BTBD9: variants seen among roughly 807,000 people sequenced by gnomAD.
BTBD9 encodes BTB domain containing 9, also known as BTB/POZ domain-containing protein 9.
BTBD9 carries 49 observed loss-of-function variants against 64.3 expected under a neutral mutation model. That is an observed-to-expected ratio of 0.76 (90% CI 0.61 to 0.97). BTBD9 has a LOEUF of 0.97. BTBD9 is among the 50% of genes least tolerant of loss of function. The pLI, the probability that BTBD9 is intolerant of heterozygous loss-of-function variation, is 0.00. For synonymous variants in BTBD9, 260 were observed against 274.7 expected (o/e 0.95, Z 0.53); for missense variants, 598 against 762.1 (o/e 0.78, Z 2.53).
chr6:38,183,472 C>T (rs889787907), intron 10 of BTBD9, among the ~76,000 whole-genome samples: 1 of 152,068 alleles, frequency 6.6e-6, no homozygotes, highest in Non-Finnish European at 1.5e-5. Context: ...TGCCGAGGCC[C>T]CCTCCCTTCC....
intron 7 of BTBD9, among the ~76,000 whole-genome samples, chr6:38,321,002 G>A (rs1004121725): frequency 6.6e-6 from 1 of 152,286 alleles, no homozygotes; most frequent in Admixed American, 6.5e-5. Flanking sequence ...GATATTTGCT[G>A]GGGACAGCAA....
At chr6:38,353,152 T>C (rs1428609971) in intron 6 of BTBD9, among the ~76,000 whole-genome samples, 2 of 152,268 alleles carry the variant, frequency 1.3e-5, no homozygotes, top group South Asian at 4.2e-4. Context: ...ATAATGTAAA[T>C]GAGTCTAAGG....
intron 6 of BTBD9, among the ~76,000 whole-genome samples, chr6:38,532,663 T>C (rs1005442564): frequency 2.0e-5 from 3 of 151,932 alleles, no homozygotes; most frequent in African/African-American, 7.3e-5. Flanking sequence ...TCAGATGACA[T>C]GTCTAGATGT....
chr6:38,618,553 A>G (rs1428311355), intron 1 of BTBD9, among the ~76,000 whole-genome samples: 3 of 152,130 alleles, frequency 2.0e-5, no homozygotes, highest in Non-Finnish European at 4.4e-5. Context: ...AGAAACAGGC[A>G]AAGAAATCAT....
intron 9 of BTBD9, among the ~76,000 whole-genome samples, chr6:38,193,654 A>G (rs1458848004): frequency 1.3e-5 from 2 of 152,040 alleles, no homozygotes; most frequent in African/African-American, 4.8e-5. Context: ...ACGACTGTAA[A>G]CTCCAATAAT....
intron 6 of BTBD9, among the ~76,000 whole-genome samples, chr6:38,361,925 T>G (rs1764980236): frequency 6.6e-6 from 1 of 152,090 alleles, no homozygotes; most frequent in East Asian, 1.9e-4. Context: ...ATTAATTACT[T>G]TGAGGTTAAA....
chr6:38,301,129 C>T (rs933848977), intron 7 of BTBD9, among the ~76,000 whole-genome samples: 5 of 152,218 alleles, frequency 3.3e-5, no homozygotes, highest in South Asian at 2.1e-4. Flanking sequence ...ATGTAGTTTT[C>T]GTCTTTGTTT....
chr6:38,327,950 A>C (rs538134470), intron 7 of BTBD9, among the ~76,000 whole-genome samples: 12 of 152,300 alleles, frequency 7.9e-5, no homozygotes, highest in Non-Finnish European at 1.6e-4. Flanking sequence ...TATATTTGGG[A>C]GCGCGTGGAG....
intron 9 of BTBD9, among the ~76,000 whole-genome samples, chr6:38,211,603 G>C (rs995698353): frequency 1.3e-5 from 2 of 152,056 alleles, no homozygotes; most frequent in Non-Finnish European, 2.9e-5. Flanking sequence ...AATTAGGGGG[G>C]TGTGGTGGTG....
intron 1 of BTBD9, among the ~76,000 whole-genome samples, chr6:38,599,217 G>A (rs981378919): frequency 6.6e-6 from 1 of 152,202 alleles, no homozygotes; most frequent in South Asian, 2.1e-4. Flanking sequence ...ACAGCTTTAC[G>A]TGTAAGAAAG....
intron 9 of BTBD9, among the ~76,000 whole-genome samples, chr6:38,235,098 G>A (rs1763733224): frequency 6.6e-6 from 1 of 152,196 alleles, no homozygotes; most frequent in African/African-American, 2.4e-5. Context: ...GAGGTTTGCA[G>A]CTCTTGTTCC....
intron 6 of BTBD9, among the ~76,000 whole-genome samples, chr6:38,469,322 CTTT>C (rs11432881): frequency 1.6e-5 from 2 of 127,496 alleles, no homozygotes. Flanking sequence ...TTTTTTTTTC[CTTT>C]TTTTTTTTTT....
In BTBD9 at chr6:38,565,037, T is replaced by C. The variant is rs548383522; in HGVS notation, c.1154+12563A>G. Reference sequence around the variant, plus strand: ...CCTTCACAACTTCTGTCTACCTATGTCATTCCATTTCCTAGCCATTTAGGT... The same window carrying C: ...CCTTCACAACTTCTGTCTACCTATGCCATTCCATTTCCTAGCCATTTAGGT... On this transcript the variant is annotated intron_variant, in intron 6 of 10. Transcript: ENST00000481247. Among the ~76,000 whole-genome samples the C allele has an allele frequency of 5.9e-5, 9 of 152,352 alleles. No individual in the cohort carries two copies. In the South Asian group the frequency reaches 1.9e-3, roughly 32 times the overall value.
chr6:38,385,491 T>G lies in BTBD9; in HGVS notation c.1155-40398A>C, dbSNP rs138144857. 1.9e-3 allele frequency among the ~76,000 whole-genome samples: 287 copies of G among 152,136 alleles called. 1 individual carries two copies. Among genetic ancestry groups the G allele is most frequent in the African/African-American group, 6.5e-3 (270 of 41,534 alleles). ...AGGCGTGAGCCACCACACCCGGCCC[T>G]TTATGTACTTTTGATATTAAAATCT... On this transcript the variant is annotated intron_variant, in intron 6 of 10. Transcript: ENST00000481247.
intron 1 of BTBD9, 32 bp downstream of exon 1, chr6:38,639,768 C>G (rs1486577935): frequency 6.6e-6 from 1 of 151,864 alleles, no homozygotes; most frequent in Non-Finnish European, 1.5e-5. Flanking sequence ...GCGGCCAGGC[C>G]CCACCTCCCC....
intron 6 of BTBD9, among the ~76,000 whole-genome samples, chr6:38,501,505 T>C (rs577296780): frequency 6.6e-6 from 1 of 152,360 alleles, no homozygotes; most frequent in South Asian, 2.1e-4. Flanking sequence ...AGTACATTTT[T>C]CTTGGCCCCT....
In BTBD9 at chr6:38,288,448, A is replaced by T. The variant is rs771951743; in HGVS notation, c.1278T>A (p.Asn426Lys). The T allele has an allele frequency of 2.5e-6, 4 of 1,613,956 alleles. No homozygotes were observed. Among genetic ancestry groups the T allele is most frequent in the Non-Finnish European group, 3.4e-6 (4 of 1,179,858 alleles). ...LEKGLIVPME[N>K]VATIADCASV... ...TGGCACAATCAGCAATTGTTGCAAC[A>T]TTCTCCATGGGAACTGTGAATCCAA... The change falls in exon 8 of 11, where the codon AAT (asparagine) becomes AAA (lysine). Residue 426 changes from asparagine (N) to lysine (K), a missense_variant. Physicochemically the swap from Asn to Lys is moderately conservative, Grantham distance 94 (BLOSUM62 0). Transcript: ENST00000481247.
intron 7 of BTBD9, among the ~76,000 whole-genome samples, chr6:38,339,914 C>A (rs1191552048): frequency 6.6e-6 from 1 of 152,058 alleles, no homozygotes; most frequent in Non-Finnish European, 1.5e-5. Flanking sequence ...CTGTATATTT[C>A]TAGAGACAGA....
intron 10 of BTBD9, among the ~76,000 whole-genome samples, chr6:38,190,534 CT>C (rs1762029472): frequency 6.6e-6 from 1 of 150,862 alleles, no homozygotes; most frequent in Non-Finnish European, 1.5e-5. Context: ...TTTTTTTCCC[CT>C]GATCAATAAC....
Sources: allele counts gnomAD v4.1 joint callset (sites outside exome capture counted in the v4.1 genomes callset), GRCh38; gene constraint gnomAD v4.1.1; transcripts MANE v1.5; gene names NCBI Gene and HGNC (gene_info 2026-07-23, HGNC 2026-07-21).